Variants in RASSF3 observed in about 807,000 individuals in gnomAD.
RASSF3 encodes ras association domain-containing protein 3.
Under a neutral mutation model 19.9 loss-of-function variants are expected in RASSF3, and 19 were observed. The observed-to-expected ratio is 0.96, with a 90% CI of 0.67 to 1.40. RASSF3 has a LOEUF of 1.40. Among genes scored for constraint, RASSF3 ranks in the 40% most tolerant of loss-of-function variants. The probability of loss-of-function intolerance (pLI) is 0.00; values close to 1 mark genes in which losing one functional copy is unlikely to be tolerated. For synonymous variants in RASSF3, 110 were observed against 104.2 expected (o/e 1.06, Z -0.34); for missense variants, 306 against 289.8 (o/e 1.06, Z -0.41).
chr12:64,599,525 T>C (rs1365187323), intron 2 of RASSF3, among the ~76,000 whole-genome samples: 1 of 152,202 alleles, frequency 6.6e-6, no homozygotes, highest in Non-Finnish European at 1.5e-5. Context: ...GCAAATCATT[T>C]GTGGCTGGAA....
intron 1 of RASSF3, among the ~76,000 whole-genome samples, chr12:64,622,146 A>G (rs896008939): frequency 3.7e-4 from 56 of 151,558 alleles, no homozygotes; most frequent in African/African-American, 1.3e-3. Context: ...TGCCTCCCAG[A>G]TTCAAGCTAT....
upstream of RASSF3, among the ~76,000 whole-genome samples, chr12:64,530,681 C>T (rs985289357): frequency 1.3e-5 from 2 of 152,172 alleles, no homozygotes; most frequent in Non-Finnish European, 2.9e-5. Context: ...CATTCTCACC[C>T]GCAGCCTGTA....
chr12:64,658,584 T>G (rs1872239694), intron 1 of RASSF3, among the ~76,000 whole-genome samples: 1 of 152,116 alleles, frequency 6.6e-6, no homozygotes, highest in Non-Finnish European at 1.5e-5. Context: ...GGCGGATCGC[T>G]TGAGGCTGAG....
chr12:64,662,748 C>G (rs1187732701), intron 1 of RASSF3, among the ~76,000 whole-genome samples: 2 of 152,134 alleles, frequency 1.3e-5, no homozygotes, highest in Non-Finnish European at 2.9e-5. Context: ...TCTTTAAGCT[C>G]CTGCTGGGGT....
At chr12:64,609,023 T>C (rs1211769342), upstream of RASSF3, among the ~76,000 whole-genome samples, 1 of 152,142 alleles carries the variant, frequency 6.6e-6, no homozygotes, top group Non-Finnish European at 1.5e-5. Context: ...GGGTAATATA[T>C]ACTAGTTTAC....
In RASSF3 at chr12:64,695,961, G is replaced by A. The variant is rs532004553; in HGVS notation, c.*1049G>A. On this transcript the variant is annotated 3_prime_UTR_variant, in exon 5 of 5. Transcript: ENST00000542104. ...GCAGCTGTTTTTCCCTTGATTGTTA[G>A]CTAGGATATTTGTCAAGTAAACTTT... The A allele has an allele frequency of 6.6e-6, 1 of 152,288 alleles. No individual in the cohort carries two copies. The highest frequency in any genetic ancestry group is 2.1e-4 in the South Asian group (1 of 4,826). The allele number at this position is 152,288 out of a possible 1,614,324, so 9.4% of individuals were successfully genotyped here.
chr12:64,513,911 G>A (rs188340777), intron 1 of RASSF3, among the ~76,000 whole-genome samples: 5 of 152,000 alleles, frequency 3.3e-5, no homozygotes, highest in African/African-American at 4.8e-5. Flanking sequence ...ACAGAGTCTC[G>A]CTCTGTCACC....
chr12:64,604,535 T>C (rs559851213), intron 2 of RASSF3, among the ~76,000 whole-genome samples: 3 of 152,294 alleles, frequency 2.0e-5, no homozygotes, highest in South Asian at 2.1e-4. Flanking sequence ...ACCAGGGTGA[T>C]AGTTGCAGCC....
chr12:64,652,402 C>G (rs1313759173), intron 1 of RASSF3, among the ~76,000 whole-genome samples: 1 of 147,672 alleles, frequency 6.8e-6, no homozygotes, highest in African/African-American at 2.5e-5. Context: ...GTGTTTTTTT[C>G]TCCCCCTCCC....
intron 1 of RASSF3, among the ~76,000 whole-genome samples, chr12:64,667,291 A>G (rs949626464): frequency 1.3e-5 from 2 of 152,080 alleles, no homozygotes; most frequent in African/African-American, 4.8e-5. Context: ...TTTCTGGAAT[A>G]GTGTTTTGGT....
intron 1 of RASSF3, among the ~76,000 whole-genome samples, chr12:64,621,237 A>G (rs553636623): frequency 6.6e-6 from 1 of 152,292 alleles, no homozygotes; most frequent in Non-Finnish European, 1.5e-5. Context: ...CGCCTGGCAC[A>G]TTCCTTTAAT....
chr12:64,574,773 C>T (rs918760404), intron 2 of RASSF3, among the ~76,000 whole-genome samples: 1 of 152,218 alleles, frequency 6.6e-6, no homozygotes, highest in African/African-American at 2.4e-5. Context: ...GCTGCAGATG[C>T]ATGCATGAGC....
At chr12:64,590,863 T>C (rs1184536431) in intron 2 of RASSF3, among the ~76,000 whole-genome samples, 3 of 152,134 alleles carry the variant, frequency 2.0e-5, no homozygotes, top group Admixed American at 2.0e-4. Flanking sequence ...TAGGTAACAG[T>C]GGGATAACTA....
At chr12:64,655,326 C>T (rs542982388) in intron 1 of RASSF3, among the ~76,000 whole-genome samples, 7 of 152,272 alleles carry the variant, frequency 4.6e-5, no homozygotes, top group South Asian at 4.1e-4. Flanking sequence ...GTTGTGTAAT[C>T]GTCTGTACAT....
At chr12:64,517,192 A>G (rs1308634878) in intron 1 of RASSF3, among the ~76,000 whole-genome samples, 1 of 152,062 alleles carries the variant, frequency 6.6e-6, no homozygotes, top group Non-Finnish European at 1.5e-5. Flanking sequence ...AGACATGTAT[A>G]AGGCCTATCA....
chr12:64,568,027 ATTTG>A (rs541799673), intron 2 of RASSF3, among the ~76,000 whole-genome samples: 7 of 151,752 alleles, frequency 4.6e-5, no homozygotes, highest in Non-Finnish European at 1.0e-4. Context: ...TTTGGTTTTT[ATTTG>A]TTTGTTTTTT....
intron 1 of RASSF3, among the ~76,000 whole-genome samples, chr12:64,662,788 T>C (rs1872414525): frequency 6.6e-6 from 1 of 152,150 alleles, no homozygotes; most frequent in South Asian, 2.1e-4. Flanking sequence ...GAAATGGGAC[T>C]CCCTGGTTGT....
At position 64,668,982 on chromosome 12, in the gene RASSF3, T is replaced by C. The variant is rs543152408; in HGVS notation, c.112-15805T>C. Among the ~76,000 whole-genome samples, 303 of 152,254 alleles carry C rather than the reference T, an allele frequency of 2.0e-3. 1 individual carries two copies. The highest frequency in any genetic ancestry group is 3.2e-3 in the Non-Finnish European group (217 of 68,020). ...CCGCACCCAGCCCAATTTTGATTTT[T>C]TAGGAGGAAAAAAAATTGTTCCTAA... On this transcript the variant is annotated intron_variant, in intron 1 of 4. Transcript: ENST00000542104.
rs536454344 is a variant in RASSF3, at chr12:64,664,193, G to C, written c.112-20594G>C. 5.9e-5 allele frequency among the ~76,000 whole-genome samples: 9 copies of C among 152,150 alleles called. No homozygotes were observed. The East Asian group carries it at 1.7e-3, about 29-fold the overall frequency. Reference sequence around the variant, plus strand: ...CACAACTTGACTGTTGTCAATCATGGTTCTTTGCCTTTGGAGTGGTACTAT... The same window carrying C: ...CACAACTTGACTGTTGTCAATCATGCTTCTTTGCCTTTGGAGTGGTACTAT... On this transcript the variant is annotated intron_variant, in intron 1 of 4. Coordinates refer to ENST00000542104, the MANE Select transcript of RASSF3 (RefSeq NM_178169.4).
Sources: allele counts gnomAD v4.1 joint callset (sites outside exome capture counted in the v4.1 genomes callset), GRCh38; gene constraint gnomAD v4.1.1; transcripts MANE v1.5; gene names NCBI Gene and HGNC (gene_info 2026-07-23, HGNC 2026-07-21).